TPX2: variants seen among roughly 807,000 people sequenced by gnomAD.
TPX2 encodes the protein TPX2 microtubule nucleation factor, also known as targeting protein for Xklp2.
A neutral mutation model predicts 93.6 loss-of-function variants in TPX2; 21 were observed. The observed-to-expected ratio is 0.22, with a 90% CI of 0.16 to 0.32. The LOEUF (loss-of-function observed/expected upper bound fraction) is 0.32, where lower values mean the gene tolerates loss of function less well. TPX2 is among the 10% of genes least tolerant of loss of function. TPX2 has a pLI of 1.00. For missense variants in TPX2, 776 were observed against 871.1 expected, an observed-to-expected ratio of 0.89 and a Z score of 1.37; for synonymous variants, 281 against 298.3, an observed-to-expected ratio of 0.94 and a Z score of 0.60.
intron 5 of TPX2, among the ~76,000 whole-genome samples, chr20:31,768,847 A>G (rs1007429003): frequency 3.4e-5 from 5 of 145,560 alleles, no homozygotes; most frequent in Admixed American, 1.3e-4. Context: ...AAATGTACTC[A>G]GTTTCACTGA....
chr20:31,801,064 C>G lies in TPX2; in HGVS notation c.2228C>G (p.Thr743Ser), dbSNP rs755855349. Residue 743 changes from threonine (T) to serine (S), a missense_variant, in exon 18 of 18, where the codon ACT (threonine) becomes AGT (serine). Physicochemically the swap from Thr to Ser is moderately conservative, Grantham distance 58. This residue lies in a region of TPX2 where 461 missense variants were observed against 551.2 expected (regional missense o/e 0.84). Transcript: ENST00000300403. ...GTGCCTGTATCTCCCAAATTCTCCA[C>G]TCGATTCCACTGCTAAACTCAGCTG... is the stretch of plus-strand genomic sequence containing the variant. ...LTVPVSPKFS[T>S]RFHC 3.7e-6 allele frequency: 6 copies of G among 1,614,182 alleles called. No individual in the cohort carries two copies. In the South Asian group the frequency reaches 6.6e-5, roughly 18 times the overall value.
chr20:31,774,396 G>T (rs1215689360), intron 7 of TPX2, among the ~76,000 whole-genome samples: 2 of 152,002 alleles, frequency 1.3e-5, no homozygotes, highest in African/African-American at 4.8e-5. Flanking sequence ...TTCCTCTTGG[G>T]TGAATTATCT....
At chr20:31,743,028 A>G (rs917014637) in intron 2 of TPX2, among the ~76,000 whole-genome samples, 2 of 152,134 alleles carry the variant, frequency 1.3e-5, no homozygotes, top group African/African-American at 4.8e-5. Context: ...CGGCTGGCCA[A>G]CATGGCAAAA....
At chr20:31,780,588 A>G (rs1568597238) in intron 10 of TPX2, among the ~76,000 whole-genome samples, 1 of 152,242 alleles carries the variant, frequency 6.6e-6, no homozygotes, top group Non-Finnish European at 1.5e-5. Context: ...AACTTTGTAC[A>G]GTTACAGCTA....
intron 10 of TPX2, among the ~76,000 whole-genome samples, chr20:31,781,607 T>C (rs1012862178): frequency 3.3e-5 from 5 of 151,946 alleles, no homozygotes; most frequent in Admixed American, 2.0e-4. Flanking sequence ...CAAAAATTTT[T>C]TGTGTTAATA....
intron 7 of TPX2, among the ~76,000 whole-genome samples, chr20:31,773,246 C>T (rs1159282610): frequency 4.0e-5 from 6 of 151,074 alleles, no homozygotes; most frequent in African/African-American, 9.7e-5. Context: ...CTGCCTCCCA[C>T]GTTCAAGCAA....
chr20:31,744,614 C>A (rs2061773295), intron 2 of TPX2, among the ~76,000 whole-genome samples: 1 of 152,018 alleles, frequency 6.6e-6, no homozygotes, highest in Non-Finnish European at 1.5e-5. Flanking sequence ...CTCACTGCAG[C>A]CTCCATCTCC....
Position 31,794,445 on chromosome 20 carries a change from T to C in TPX2, c.1730T>C (p.Ile577Thr), listed in dbSNP as rs1352376778. 4.3e-6 allele frequency: 7 copies of C among 1,614,068 alleles called. No homozygotes were observed. The highest frequency in any genetic ancestry group is 5.9e-6 in the Non-Finnish European group (7 of 1,180,036). ...CTTCCCTTGCCTCATTTTGACACCA[T>C]TAACCTGCCAGAGAAGAAGGTAAAG... is the stretch of plus-strand genomic sequence containing the variant. ...KALPLPHFDT[I>T]NLPEKKVKNV... is the part of the protein sequence containing the mutation. The change falls in exon 15 of 18, where the codon ATT (isoleucine) becomes ACT (threonine). Residue 577 changes from isoleucine (I) to threonine (T), a missense_variant. Transcript: ENST00000300403.
At chr20:31,783,244 T>A (rs1027169108) in intron 11 of TPX2, among the ~76,000 whole-genome samples, 2 of 151,844 alleles carry the variant, frequency 1.3e-5, no homozygotes, top group African/African-American at 2.4e-5. Context: ...ATTCTTTTAT[T>A]ATTTTTTATT....
At chr20:31,762,273 A>G (rs372569219) in intron 4 of TPX2, among the ~76,000 whole-genome samples, 65 of 152,268 alleles carry the variant, frequency 4.3e-4, no homozygotes, top group African/African-American at 1.5e-3. Context: ...TGTTGCCTAT[A>G]CTTTTGAGGT....
chr20:31,793,432 T>C (rs2062115511), intron 13 of TPX2, among the ~76,000 whole-genome samples: 1 of 152,198 alleles, frequency 6.6e-6, no homozygotes, highest in Non-Finnish European at 1.5e-5. Context: ...TAATCTTGTG[T>C]TACCAGCTTG....
At chr20:31,777,184 T>A (rs1309020528) in intron 8 of TPX2, among the ~76,000 whole-genome samples, 1 of 152,332 alleles carries the variant, frequency 6.6e-6, no homozygotes, top group East Asian at 1.9e-4. Context: ...TTATCAAAAG[T>A]ATTCCAGTTA....
chr20:31,771,058 G>A (rs2061962232), intron 6 of TPX2, among the ~76,000 whole-genome samples: 1 of 152,046 alleles, frequency 6.6e-6, no homozygotes, highest in Non-Finnish European at 1.5e-5. Context: ...AAGGAAAAAG[G>A]GCAGCATCTA....
At chr20:31,789,802 C>T (rs1351022753) in intron 12 of TPX2, among the ~76,000 whole-genome samples, 2 of 152,164 alleles carry the variant, frequency 1.3e-5, no homozygotes, top group African/African-American at 2.4e-5. Flanking sequence ...CTCACTCATA[C>T]ATATCTCCTT....
At chr20:31,758,899 AAAAAG>A (rs1418754194) in intron 3 of TPX2, among the ~76,000 whole-genome samples, 5 of 152,226 alleles carry the variant, frequency 3.3e-5, no homozygotes, top group African/African-American at 9.6e-5. Flanking sequence ...CTTTAAAATA[AAAAAG>A]AAAAGAAAAG....
intron 7 of TPX2, among the ~76,000 whole-genome samples, chr20:31,772,942 A>G (rs2061972609): frequency 1.3e-5 from 2 of 150,402 alleles, no homozygotes; most frequent in South Asian, 4.2e-4. Flanking sequence ...TACTTCTGAA[A>G]TGGAAGTACC....
chr20:31,749,835 A>G (rs370012187), intron 2 of TPX2, among the ~76,000 whole-genome samples: 4 of 152,176 alleles, frequency 2.6e-5, no homozygotes, highest in African/African-American at 9.6e-5. Context: ...TTTATTTTTA[A>G]CTTTTTCAAA....
At position 31,755,103 on chromosome 20, in the gene TPX2, T is replaced by G. The variant is rs531264523; in HGVS notation, c.-70-2304T>G. ...AGCTGGGATTACAGGTGCCCACCACTGCGCCTGGCTAATTTTTTGTATTTT... is the reference window on the plus strand; with the variant it reads ...AGCTGGGATTACAGGTGCCCACCACGGCGCCTGGCTAATTTTTTGTATTTT... On this transcript the variant is annotated intron_variant, in intron 2 of 17. Transcript: ENST00000300403. 2.6e-5 allele frequency among the ~76,000 whole-genome samples: 4 copies of G among 152,234 alleles called. No individual in the cohort carries two copies. In the South Asian group the frequency reaches 8.3e-4, roughly 32 times the overall value.
At chr20:31,769,590 C>T (rs1341003060) in intron 5 of TPX2, among the ~76,000 whole-genome samples, 1 of 152,272 alleles carries the variant, frequency 6.6e-6, no homozygotes, top group Non-Finnish European at 1.5e-5. Flanking sequence ...TCCCAAAGTG[C>T]TGGGATTACA....
Sources: allele counts gnomAD v4.1 joint callset (sites outside exome capture counted in the v4.1 genomes callset), GRCh38; gene constraint gnomAD v4.1.1; regional missense constraint gnomAD v4.1.1; transcripts MANE v1.5; gene names NCBI Gene and HGNC (gene_info 2026-07-23, HGNC 2026-07-21).